The following SLC25A26 variants were observed in gnomAD, a reference collection of about 807,000 sequenced individuals.
The protein encoded by SLC25A26 is solute carrier family 25 member 26.
SLC25A26 carries 36 observed loss-of-function variants against 37.8 expected under a neutral mutation model. The ratio of observed to expected loss-of-function variants is 0.95; its 90% CI spans 0.73 to 1.26. The LOEUF is 1.26. Among genes scored for constraint, SLC25A26 ranks in the 50% most tolerant of loss-of-function variants. The probability of loss-of-function intolerance (pLI) is 0.00; values close to 1 mark genes in which losing one functional copy is unlikely to be tolerated. For missense variants in SLC25A26, 390 were observed against 331.1 expected, an observed-to-expected ratio of 1.18 and a Z score of -1.38; for synonymous variants, 129 against 122.5, an observed-to-expected ratio of 1.05 and a Z score of -0.35.
At position 66,249,998 on chromosome 3, in the gene SLC25A26, A is replaced by G. The variant is rs147258850; in HGVS notation, c.300+6686A>G. ...ATTTTCCTGTCTGTTGACTTTTTCAAAGTGTGTCTGGGAGTCTTCCTTCAG... is the reference window on the plus strand; with the variant it reads ...ATTTTCCTGTCTGTTGACTTTTTCAGAGTGTGTCTGGGAGTCTTCCTTCAG... On this transcript the variant is annotated intron_variant, in intron 3 of 9. Transcript: ENST00000354883. 9.9e-5 allele frequency among the ~76,000 whole-genome samples: 15 copies of G among 152,280 alleles called. No individual in the cohort carries two copies. In the East Asian group the frequency reaches 2.7e-3, roughly 27 times the overall value.
intron 6 of SLC25A26, among the ~76,000 whole-genome samples, chr3:66,357,245 C>T (rs1261909133): frequency 6.6e-6 from 1 of 152,108 alleles, no homozygotes; most frequent in Non-Finnish European, 1.5e-5. Flanking sequence ...CAAGATGCTG[C>T]CTCAAAAAAA....
intron 6 of SLC25A26, among the ~76,000 whole-genome samples, chr3:66,349,337 T>C (rs2076397697): frequency 6.6e-6 from 1 of 152,164 alleles, no homozygotes; most frequent in Non-Finnish European, 1.5e-5. Context: ...CCACCAAATT[T>C]CCATCAACCC....
intron 1 of SLC25A26, among the ~76,000 whole-genome samples, chr3:66,192,594 T>C (rs2070968252): frequency 6.6e-6 from 1 of 152,172 alleles, no homozygotes; most frequent in African/African-American, 2.4e-5. Context: ...AGTAGTAGTA[T>C]TAAAAAGAAT....
intron 5 of SLC25A26, among the ~76,000 whole-genome samples, chr3:66,315,258 T>A (rs371911403): frequency 2.3e-4 from 35 of 152,256 alleles, no homozygotes; most frequent in South Asian, 2.3e-3. Flanking sequence ...ATGTAGGCAT[T>A]TATTGCTATA....
intron 9 of SLC25A26, 111 bp from the exon 10 acceptor site, chr3:66,377,579 G>T (rs1034105409): frequency 2.1e-5 from 16 of 761,092 alleles, no homozygotes; most frequent in Non-Finnish European, 3.6e-5. Context: ...AAGCTGTTTG[G>T]TAGTTAGCCA....
chr3:66,339,193 T>G (rs2076153332), intron 5 of SLC25A26, among the ~76,000 whole-genome samples: 1 of 152,112 alleles, frequency 6.6e-6, no homozygotes, highest in Admixed American at 6.5e-5. Context: ...CTAATGATGT[T>G]GAATCAGGTG....
intron 5 of SLC25A26, among the ~76,000 whole-genome samples, chr3:66,284,271 C>T (rs563006702): frequency 2.6e-5 from 4 of 152,260 alleles, no homozygotes; most frequent in African/African-American, 4.8e-5. Flanking sequence ...ATCACTTGAG[C>T]CCAGGAAGTG....
intron 9 of SLC25A26, among the ~76,000 whole-genome samples, chr3:66,375,486 C>A (rs915146431): frequency 2.6e-5 from 4 of 152,068 alleles, no homozygotes; most frequent in Non-Finnish European, 5.9e-5. Flanking sequence ...GGCTGACTCT[C>A]TTGTTAGGGG....
intron 4 of SLC25A26, among the ~76,000 whole-genome samples, chr3:66,262,567 G>A (rs889634491): frequency 6.6e-6 from 1 of 152,208 alleles, no homozygotes; most frequent in African/African-American, 2.4e-5. Context: ...TTTTACAGAT[G>A]TATTTGAAGC....
intron 6 of SLC25A26, among the ~76,000 whole-genome samples, chr3:66,362,367 G>C (rs950333916): frequency 4.6e-5 from 7 of 152,208 alleles, no homozygotes; most frequent in African/African-American, 7.2e-5. Context: ...GAAGGCAACT[G>C]TTGATATCTG....
intron 5 of SLC25A26, among the ~76,000 whole-genome samples, chr3:66,284,732 G>T (rs1400228332): frequency 6.6e-6 from 1 of 152,166 alleles, no homozygotes; most frequent in African/African-American, 2.4e-5. Flanking sequence ...CTCATACACA[G>T]TTCAGAAGCA....
chr3:66,306,616 C>T (rs574547351), intron 5 of SLC25A26, among the ~76,000 whole-genome samples: 87 of 152,146 alleles, frequency 5.7e-4, no homozygotes, highest in African/African-American at 1.9e-3. Flanking sequence ...ATTTTAAGCC[C>T]CACATGCGTT....
At chr3:66,277,642 A>G (rs889492415) in intron 5 of SLC25A26, among the ~76,000 whole-genome samples, 4 of 152,144 alleles carry the variant, frequency 2.6e-5, no homozygotes, top group Admixed American at 6.6e-5. Flanking sequence ...TAAAAAACGA[A>G]TATCATAGTC....
At chr3:66,141,405 G>A (rs143131596) in intron 1 of SLC25A26, among the ~76,000 whole-genome samples, 1 of 151,816 alleles carries the variant, frequency 6.6e-6, no homozygotes, top group Admixed American at 6.6e-5. Context: ...ACCAAAGAAA[G>A]TTTTCAAATA....
Position 66,243,259 on chromosome 3 carries a change from T to A in SLC25A26, c.247T>A (p.Ser83Thr). 1 of 1,610,446 alleles carries A rather than the reference T, an allele frequency of 6.2e-7. No individual in the cohort carries two copies. The highest frequency in any genetic ancestry group is 8.5e-7 in the Non-Finnish European group (1 of 1,177,734). ...GAAGTGGTTTTTGCATGCTGATTCA[T>A]CTTCATATTTGACACCTATGAAACA... Reference protein sequence around the residue: ...YVKWFLHADSSSYLTPMKHML... With the variant: ...YVKWFLHADSTSYLTPMKHML... The change falls in exon 3 of 10, where the codon TCT (serine) becomes ACT (threonine). Residue 83 changes from serine (S) to threonine (T), a missense_variant. By Grantham distance (58) the Ser-to-Thr change is moderately conservative. Coordinates refer to ENST00000354883, the MANE Select transcript of SLC25A26 (RefSeq NM_001379210.1).
In SLC25A26 at chr3:66,330,933, C is replaced by G. The variant is rs113557177; in HGVS notation, c.454-15431C>G. Among the ~76,000 whole-genome samples the G allele has an allele frequency of 2.6e-3, 391 of 152,122 alleles. 2 individuals carry two copies. The highest frequency in any genetic ancestry group is 9.2e-3 in the African/African-American group (381 of 41,546). On this transcript the variant is annotated intron_variant, in intron 5 of 9. Coordinates refer to ENST00000354883, the MANE Select transcript of SLC25A26 (RefSeq NM_001379210.1). Reference sequence around the variant, plus strand: ...AATCCATGGGAAAATCTTGGTTACTCCTTTTCTTGGGTAGTGATTTGTGAG... The same window carrying G: ...AATCCATGGGAAAATCTTGGTTACTGCTTTTCTTGGGTAGTGATTTGTGAG...
At chr3:66,235,086 A>G (rs1211794640) in intron 1 of SLC25A26, among the ~76,000 whole-genome samples, 1 of 152,150 alleles carries the variant, frequency 6.6e-6, no homozygotes, top group Non-Finnish European at 1.5e-5. Context: ...TTCACTAGTA[A>G]GTAGTGCATC....
chr3:66,305,646 T>G (rs1282310876), intron 5 of SLC25A26, among the ~76,000 whole-genome samples: 3 of 151,704 alleles, frequency 2.0e-5, no homozygotes, highest in Non-Finnish European at 4.4e-5. Context: ...CCAGAGTGTG[T>G]TGTTTCCCTC....
At chr3:66,209,898 T>TATATATATATA (rs2071256377) in intron 1 of SLC25A26, among the ~76,000 whole-genome samples, 14 of 38,610 alleles carry the variant, frequency 3.6e-4, no homozygotes, top group Non-Finnish European at 5.5e-4. Flanking sequence ...CTCTCTCTAT[T>TATATATATATA]TATATATATA....
Sources: allele counts gnomAD v4.1 joint callset (sites outside exome capture counted in the v4.1 genomes callset), GRCh38; gene constraint gnomAD v4.1.1; transcripts MANE v1.5; gene names NCBI Gene and HGNC (gene_info 2026-07-23, HGNC 2026-07-21).